Variants in GPSM1 observed in about 807,000 individuals in gnomAD.
GPSM1 encodes G protein signaling modulator 1.
Under a neutral mutation model 70.5 loss-of-function variants are expected in GPSM1, and 48 were observed. That is an observed-to-expected ratio of 0.68 (90% CI 0.54 to 0.87). The LOEUF (loss-of-function observed/expected upper bound fraction) is 0.87, where lower values mean the gene tolerates loss of function less well. GPSM1 is among the 40% of genes least tolerant of loss of function. GPSM1 has a pLI of 0.00. For missense variants in GPSM1, 981 were observed against 972.6 expected, an observed-to-expected ratio of 1.01 and a Z score of -0.11; for synonymous variants, 416 against 430.1, an observed-to-expected ratio of 0.97 and a Z score of 0.41.
chr9:136,342,544 C>G lies in GPSM1; in HGVS notation c.1207+1551C>G, dbSNP rs943351797. Among the ~76,000 whole-genome samples, 1 of 152,124 alleles carries G rather than the reference C, an allele frequency of 6.6e-6. No individual in the cohort carries two copies. Among genetic ancestry groups the G allele is most frequent in the Non-Finnish European group, 1.5e-5 (1 of 68,002 alleles). On this transcript the variant is annotated intron_variant, in intron 9 of 13. Transcript: ENST00000440944. This position sits in a 1 kb window ranked among gnomAD's most constrained non-coding sequence, Gnocchi z 5.5. The stretch of plus-strand genomic sequence containing the variant: ...CGCCCAGGGCAGCCCGGCAGCCTGG[C>G]TGGGGCCGCCGCCCGGCTGCCGCTG...
chr9:136,354,752 G>A, intron 11 of GPSM1: 6 of 898,296 alleles, frequency 6.7e-6, no homozygotes, highest in Non-Finnish European at 8.0e-6. Flanking sequence ...GTGGACTGAG[G>A]CCCAGGGCGG....
Position 136,356,346 on chromosome 9 carries a change from G to A in GPSM1, c.1617G>A (p.Gln539=). ...AAPTLEDRIA[Q]PSMTASPQTE... ...TCACCCTCTGGCCCCCCGCAGCCCA[G>A]CCCTCGATGACGGCCTCGCCCCAGA... Residue 539 remains glutamine, a synonymous_variant, in exon 13 of 14, where the codon CAG becomes CAA. Coordinates refer to ENST00000440944, the MANE Select transcript of GPSM1 (RefSeq NM_001145638.3). The A allele has an allele frequency of 6.3e-7, 1 of 1,583,530 alleles. No individual in the cohort carries two copies. Among genetic ancestry groups the A allele is most frequent in the Non-Finnish European group, 8.6e-7 (1 of 1,163,326 alleles).
intron 7 of GPSM1, among the ~76,000 whole-genome samples, chr9:136,339,128 G>T (rs1039571670): frequency 6.6e-6 from 1 of 152,174 alleles, no homozygotes; most frequent in Non-Finnish European, 1.5e-5. Flanking sequence ...CTTTTGAAAG[G>T]CTGCCCTGCC....
intron 9 of GPSM1, among the ~76,000 whole-genome samples, chr9:136,347,318 G>A (rs990722864): frequency 1.3e-5 from 2 of 152,138 alleles, no homozygotes; most frequent in Admixed American, 6.5e-5. Context: ...CCCCGCCCTC[G>A]GACTCACACT....
At chr9:136,347,062 G>C (rs1832540654) in intron 9 of GPSM1, among the ~76,000 whole-genome samples, 1 of 152,102 alleles carries the variant, frequency 6.6e-6, no homozygotes, top group Non-Finnish European at 1.5e-5. Context: ...AGGGTAAGGG[G>C]GTGTCTGGGC....
chr9:136,359,083 C>A lies in GPSM1; in HGVS notation c.*863C>A, dbSNP rs1422080824. 3 of 152,288 alleles carry A rather than the reference C, an allele frequency of 2.0e-5. No homozygotes were observed. Among genetic ancestry groups the A allele is most frequent in the African/African-American group, 7.2e-5 (3 of 41,424 alleles). The allele number at this position is 152,288 out of a possible 1,614,324, so 9.4% of individuals were successfully genotyped here. A position where few individuals can be genotyped will look rare whatever the true frequency, so the allele number is the denominator to read the frequency against. ...CTTCACTCAGCTCAACCCTGCAGAC[C>A]CCCCATATGAGAACCCCCCTCCTCC... On this transcript the variant is annotated 3_prime_UTR_variant, in exon 14 of 14. Transcript: ENST00000440944.
Position 136,348,754 on chromosome 9 carries a change from T to A in GPSM1, c.1265T>A (p.Leu422His). 6.2e-7 allele frequency: 1 copy of A among 1,610,770 alleles called. No individual in the cohort carries two copies. Among genetic ancestry groups the A allele is most frequent in the Non-Finnish European group, 8.5e-7 (1 of 1,178,482 alleles). Residue 422 changes from leucine (L) to histidine (H), a missense_variant, in exon 10 of 14, where the codon CTC becomes CAC. Coordinates refer to ENST00000440944, the MANE Select transcript of GPSM1 (RefSeq NM_001145638.3). ...LSAETWDLLR[L>H]PLEREQNGDS... is the part of the protein sequence containing the mutation. The stretch of plus-strand genomic sequence containing the variant: ...GCGGAGACCTGGGACCTGCTGAGAC[T>A]CCCCCTGGAGCGGGTGAGCCAGGGA...
At chr9:136,344,403 G>T (rs1271889581) in intron 9 of GPSM1, among the ~76,000 whole-genome samples, 4 of 152,222 alleles carry the variant, frequency 2.6e-5, no homozygotes, top group Non-Finnish European at 4.4e-5. Flanking sequence ...AGGCCAGAAG[G>T]CCAGGGTTTG....
At chr9:136,332,937 AG>A (rs1400191996) in intron 1 of GPSM1, among the ~76,000 whole-genome samples, 2 of 151,072 alleles carry the variant, frequency 1.3e-5, no homozygotes, top group African/African-American at 4.9e-5. Flanking sequence ...TGATCCTGGG[AG>A]ATGGAGGCTG....
chr9:136,328,277 G>T (rs557360881), intron 1 of GPSM1, among the ~76,000 whole-genome samples: 33 of 152,202 alleles, frequency 2.2e-4, no homozygotes, highest in Non-Finnish European at 2.4e-4. Context: ...CAGTGACTGG[G>T]CTCTGTGCCC....
intron 6 of GPSM1, 96 bp from the exon 7 acceptor site, chr9:136,338,459 G>A: frequency 1.7e-6 from 2 of 1,211,826 alleles, no homozygotes; most frequent in East Asian, 2.5e-5. Flanking sequence ...GGATTCCGGG[G>A]CAGGGGACCA....
chr9:136,339,568 C>T (rs1832334890), intron 7 of GPSM1, 139 bp from the exon 8 acceptor site: 1 of 621,238 alleles, frequency 1.6e-6, no homozygotes, highest in East Asian at 2.8e-5. Flanking sequence ...TGTCATCCGG[C>T]CAATGCCCCT....
chr9:136,332,123 G>A (rs1285664432), intron 1 of GPSM1: 3 of 399,302 alleles, frequency 7.5e-6, no homozygotes, highest in Non-Finnish European at 1.3e-5. Context: ...CCGTGGGCCT[G>A]GAGCTGTGGC....
At chr9:136,352,180 T>C (rs368272943) in intron 11 of GPSM1, among the ~76,000 whole-genome samples, 32,215 of 66,820 alleles carry the variant, frequency 0.48, 9,755 homozygotes, top group East Asian at 0.75. Flanking sequence ...TGCTGCGCCG[T>C]TGCTGTTGGT....
At chr9:136,336,491 C>T (rs782651001) in intron 3 of GPSM1, among the ~76,000 whole-genome samples, 4 of 152,202 alleles carry the variant, frequency 2.6e-5, no homozygotes, top group Non-Finnish European at 4.4e-5. Context: ...GCTCCGTCTC[C>T]GCTTGTGCTG....
At chr9:136,348,525 C>T (rs781829561) in intron 9 of GPSM1, among the ~76,000 whole-genome samples, 172 bp from the exon 10 acceptor site, 1 of 152,232 alleles carries the variant, frequency 6.6e-6, no homozygotes, top group Non-Finnish European at 1.5e-5. Context: ...TCTGACAGTA[C>T]AGTCGGGGAG....
At chr9:136,336,128 T>C (rs28583929) in intron 3 of GPSM1, 27 bp downstream of exon 3, 754,804 of 1,601,102 alleles carry the variant, frequency 0.47, 181,116 homozygotes, top group Middle Eastern at 0.55. Context: ...GGGCTGGGTG[T>C]CTCCCACCCC....
intron 9 of GPSM1, among the ~76,000 whole-genome samples, chr9:136,346,129 C>T (rs1554771228): frequency 6.6e-6 from 1 of 152,228 alleles, no homozygotes; most frequent in Non-Finnish European, 1.5e-5. Context: ...CCCACGTGTG[C>T]CTCTGGCCGC....
intron 1 of GPSM1, among the ~76,000 whole-genome samples, chr9:136,332,794 A>G (rs1832132498): frequency 7.3e-6 from 1 of 136,730 alleles, no homozygotes; most frequent in Non-Finnish European, 1.5e-5. Context: ...TGAGCTCAGG[A>G]GTTTGAGACC....
Sources: gnomAD v4.1 joint callset for allele counts (sites outside exome capture counted in the v4.1 genomes callset) on GRCh38, gnomAD v4.1.1 for gene constraint, Gnocchi (gnomAD v3.1) non-coding constraint, MANE v1.5 for transcripts, NCBI Gene and HGNC (gene_info 2026-07-23, HGNC 2026-07-21) for gene names.